CSMD1: variants seen among roughly 807,000 people sequenced by gnomAD.
CSMD1 encodes CUB and Sushi multiple domains 1.
CSMD1 carries 213 observed loss-of-function variants against 417.5 expected under a neutral mutation model. The observed-to-expected ratio is 0.51, with a 90% CI of 0.46 to 0.57. CSMD1 has a LOEUF of 0.57. Among genes scored for constraint, CSMD1 ranks in the 20% least tolerant of loss-of-function variants. CSMD1 has a pLI of 0.00. For missense variants in CSMD1, 6,923 were observed against 4,529.7 expected, an observed-to-expected ratio of 1.53 and a Z score of -15.17; for synonymous variants, 2,862 against 1,736.8, an observed-to-expected ratio of 1.65 and a Z score of -16.11.
chr8:3,591,660 G>C (rs1800851089), intron 8 of CSMD1, among the ~76,000 whole-genome samples: 1 of 152,140 alleles, frequency 6.6e-6, no homozygotes, highest in South Asian at 2.1e-4. Context: ...TACTGAATCT[G>C]CTGATGCAAC....
intron 6 of CSMD1, among the ~76,000 whole-genome samples, chr8:3,738,356 G>T (rs114293184): frequency 1.3e-5 from 2 of 152,184 alleles, no homozygotes; most frequent in South Asian, 2.1e-4. Context: ...AGGCATTGGG[G>T]CCTGGCAAAA....
chr8:4,018,449 T>G (rs1041789952), intron 4 of CSMD1, among the ~76,000 whole-genome samples: 1 of 152,192 alleles, frequency 6.6e-6, no homozygotes, highest in African/African-American at 2.4e-5. Context: ...GCTGCAGGTC[T>G]GTCAACACAG....
At chr8:3,587,071 A>G (rs765123135) in intron 8 of CSMD1, among the ~76,000 whole-genome samples, 2 of 152,222 alleles carry the variant, frequency 1.3e-5, no homozygotes, top group Non-Finnish European at 2.9e-5. Context: ...AAATGCTAGG[A>G]TTACAGGCGT....
At chr8:3,448,319 G>C (rs112166559) in intron 12 of CSMD1, among the ~76,000 whole-genome samples, 4,208 of 11,654 alleles carry the variant, frequency 0.36, 752 homozygotes, top group Non-Finnish European at 0.46. Context: ...AAGGAAGGAA[G>C]GAAGGGAGCA....
At chr8:4,446,132 A>C (rs1485254014) in intron 2 of CSMD1, among the ~76,000 whole-genome samples, 1 of 152,216 alleles carries the variant, frequency 6.6e-6, no homozygotes, top group Admixed American at 6.5e-5. Context: ...TACATTCGTT[A>C]CATACGTGAG....
At chr8:4,624,338 C>G (rs985621447) in intron 2 of CSMD1, among the ~76,000 whole-genome samples, 22 of 152,014 alleles carry the variant, frequency 1.4e-4, no homozygotes, top group Non-Finnish European at 2.9e-4. Flanking sequence ...CTTGTCAAAT[C>G]TCTCCATTAT....
intron 3 of CSMD1, among the ~76,000 whole-genome samples, chr8:4,122,691 G>C (rs1055048077): frequency 2.0e-5 from 3 of 152,176 alleles, no homozygotes; most frequent in African/African-American, 4.8e-5. Context: ...CTGCAGCTGG[G>C]CATGGCTAAA....
chr8:3,267,427 G>A (rs1167197644), intron 26 of CSMD1, among the ~76,000 whole-genome samples: 1 of 152,344 alleles, frequency 6.6e-6, no homozygotes, highest in Middle Eastern at 3.4e-3. Flanking sequence ...GATGATGGCA[G>A]TTGAGCAGTT....
At chr8:4,392,940 G>C (rs1475511774) in intron 3 of CSMD1, among the ~76,000 whole-genome samples, 1 of 152,000 alleles carries the variant, frequency 6.6e-6, no homozygotes, top group East Asian at 2.0e-4. Context: ...CTGCACTCCA[G>C]ACTGGGCAAC....
chr8:3,309,490 G>GACAGAAATA (rs1563256626), intron 23 of CSMD1, among the ~76,000 whole-genome samples: 1 of 151,880 alleles, frequency 6.6e-6, no homozygotes, highest in Admixed American at 6.6e-5. Context: ...TGACAGAAAT[G>GACAGAAATA]AAGATTTAGC....
chr8:3,593,078 T>A (rs900699167), intron 8 of CSMD1, among the ~76,000 whole-genome samples: 1 of 152,170 alleles, frequency 6.6e-6, no homozygotes, highest in East Asian at 1.9e-4. Context: ...TGAGAAGGAA[T>A]GGAGCTGAGT....
In CSMD1 at chr8:4,397,523, C is replaced by CTT. The variant is rs57745028; in HGVS notation, c.415+22428_415+22429dup. On this transcript the variant is annotated intron_variant, in intron 3 of 69. Transcript: ENST00000635120. Reference sequence around the variant, plus strand: ...GAGCAATGTCAACAAGCCTGAGACTCTTTTTTTTTTTTTTTTTTTTTTTTT... The same window carrying CTT: ...GAGCAATGTCAACAAGCCTGAGACTCTTTTTTTTTTTTTTTTTTTTTTTTTTT... 2.8e-3 allele frequency among the ~76,000 whole-genome samples: 169 copies of CTT among 59,964 alleles called. 3 individuals are homozygous for CTT. Among genetic ancestry groups the CTT allele is most frequent in the East Asian group, 7.5e-3 (13 of 1,732 alleles). 39.3% of individuals were successfully genotyped at this position (59,964 alleles called of 152,430 possible). A position where few individuals can be genotyped will look rare whatever the true frequency, so the allele number is the denominator to read the frequency against.
chr8:4,036,127 C>T (rs561091189), intron 3 of CSMD1, among the ~76,000 whole-genome samples: 13 of 152,324 alleles, frequency 8.5e-5, no homozygotes, highest in Admixed American at 2.6e-4. Context: ...CTACACCACA[C>T]ATCCTAGGTG....
intron 1 of CSMD1, among the ~76,000 whole-genome samples, chr8:4,651,536 T>A (rs1446019775): frequency 6.6e-6 from 1 of 152,160 alleles, no homozygotes; most frequent in Non-Finnish European, 1.5e-5. Flanking sequence ...GTTTCTCTAA[T>A]CAGAGTCATA....
chr8:4,151,099 T>A (rs541159437), intron 3 of CSMD1, among the ~76,000 whole-genome samples: 2 of 152,282 alleles, frequency 1.3e-5, no homozygotes, highest in South Asian at 4.1e-4. Flanking sequence ...ACTTGCATCC[T>A]TCTCCCAGCA....
At chr8:4,499,438 A>G (rs1019486832) in intron 2 of CSMD1, among the ~76,000 whole-genome samples, 1 of 152,240 alleles carries the variant, frequency 6.6e-6, no homozygotes, top group African/African-American at 2.4e-5. Context: ...CTGACAGACG[A>G]AACTGCTCTT....
At chr8:4,499,743 T>G (rs537516248) in intron 2 of CSMD1, among the ~76,000 whole-genome samples, 1 of 152,262 alleles carries the variant, frequency 6.6e-6, no homozygotes, top group East Asian at 1.9e-4. Flanking sequence ...ACAAGAATAT[T>G]AGAAAAATAA....
At chr8:4,721,802 A>G (rs1036296370) in intron 1 of CSMD1, among the ~76,000 whole-genome samples, 9 of 152,294 alleles carry the variant, frequency 5.9e-5, no homozygotes, top group African/African-American at 2.2e-4. Context: ...TATGTAAAGA[A>G]CCTAGGCATC....
Position 4,134,818 on chromosome 8 carries a change from TCC to T in CSMD1, c.416-102721_416-102720del, listed in dbSNP as rs1803319855. ...GTGATTTATTTTAACACAAATTTTG[TCC>T]TTGGCCTTGGCTGTTGAAAATCGTT... On this transcript the variant is annotated intron_variant, in intron 3 of 69. Transcript: ENST00000635120. Among the ~76,000 whole-genome samples the T allele has an allele frequency of 2.0e-5, 3 of 152,308 alleles. No homozygotes were observed. In the South Asian group the frequency reaches 6.2e-4, roughly 32 times the overall value.
Sources: gnomAD v4.1 joint callset for allele counts (sites outside exome capture counted in the v4.1 genomes callset) on GRCh38, gnomAD v4.1.1 for gene constraint, MANE v1.5 for transcripts, NCBI Gene and HGNC (gene_info 2026-07-23, HGNC 2026-07-21) for gene names.